GALNT6: variants seen among roughly 807,000 people sequenced by gnomAD.
GALNT6 encodes GalNAc transferase 6.
Under a neutral mutation model 65.9 loss-of-function variants are expected in GALNT6, and 51 were observed. The observed-to-expected ratio is 0.77, with a 90% CI of 0.62 to 0.98. The LOEUF (loss-of-function observed/expected upper bound fraction) is 0.98. Ranked by LOEUF, GALNT6 falls within the 50% of genes least tolerant of loss-of-function variation. The probability of loss-of-function intolerance (pLI) is 0.00; values close to 1 mark genes in which losing one functional copy is unlikely to be tolerated. For synonymous variants in GALNT6, 323 were observed against 315.1 expected, an observed-to-expected ratio of 1.02 and a Z score of -0.26; for missense variants, 708 against 803.3, an observed-to-expected ratio of 0.88 and a Z score of 1.43.
chr12:51,377,449 C>T, intron 3 of GALNT6, 82 bp from the exon 4 acceptor site: 1 of 1,124,272 alleles, frequency 8.9e-7, no homozygotes, highest in East Asian at 2.5e-5. Flanking sequence ...AGAGACTCCC[C>T]CAGACCATCC....
At chr12:51,358,592 C>T (rs1168204194) in intron 8 of GALNT6, among the ~76,000 whole-genome samples, 1 of 152,198 alleles carries the variant, frequency 6.6e-6, no homozygotes, top group Admixed American at 6.5e-5. Context: ...TGAGCCACCA[C>T]ACCCAGCCAG....
At chr12:51,361,035 C>G (rs1424666632) in intron 6 of GALNT6, among the ~76,000 whole-genome samples, 197 bp from the exon 7 acceptor site, 2 of 152,150 alleles carry the variant, frequency 1.3e-5, no homozygotes, top group East Asian at 3.9e-4. Context: ...AGGACCAGGT[C>G]AAGGAAATAT....
chr12:51,379,234 T>C, intron 3 of GALNT6, 57 bp downstream of exon 3: 2 of 1,499,062 alleles, frequency 1.3e-6, no homozygotes, highest in South Asian at 1.4e-5. Flanking sequence ...CTGGCCATAC[T>C]AGCCATGCCT....
intron 2 of GALNT6, among the ~76,000 whole-genome samples, chr12:51,380,659 C>T (rs185512096): frequency 1.2e-4 from 19 of 152,256 alleles, no homozygotes; most frequent in East Asian, 3.9e-4. Flanking sequence ...GGCGTGGTAG[C>T]GCATGCCTGT....
chr12:51,383,714 T>C (rs1351177132), intron 2 of GALNT6: 1 of 152,172 alleles, frequency 6.6e-6, no homozygotes, highest in Non-Finnish European at 1.5e-5. Context: ...TGAACCGAAA[T>C]GAGACACCTG....
chr12:51,377,223 G>A lies in GALNT6; in HGVS notation c.636C>T (p.Ile212=), dbSNP rs1343666979. ...HTTPAILLKE[I]ILVDDASTEE... is the part of the protein sequence containing the mutation. ...CTGTGCTGGCATCATCCACCAGTAT[G>A]ATCTCCTTGAGCAAGATGGCAGGGG... The change falls in exon 4 of 12, where the codon ATC becomes ATT. Residue 212 remains isoleucine (I), a synonymous_variant. Transcript: ENST00000356317. 2 of 1,613,794 alleles carry A rather than the reference G, an allele frequency of 1.2e-6. No individual in the cohort carries two copies. Among genetic ancestry groups the A allele is most frequent in the East Asian group, 4.5e-5 (2 of 44,876 alleles).
intron 2 of GALNT6, among the ~76,000 whole-genome samples, chr12:51,381,263 T>C (rs1026671901): frequency 5.9e-5 from 9 of 152,174 alleles, no homozygotes; most frequent in Non-Finnish European, 1.2e-4. Context: ...AAAAGTTATC[T>C]GTAATCTACT....
At chr12:51,388,789 C>T (rs1264453704) in intron 2 of GALNT6, among the ~76,000 whole-genome samples, 3 of 152,198 alleles carry the variant, frequency 2.0e-5, no homozygotes, top group African/African-American at 4.8e-5. Context: ...CAATCCCTGT[C>T]GCATCTCTCT....
intron 5 of GALNT6, 126 bp downstream of exon 5, chr12:51,365,304 G>T: frequency 1.2e-6 from 1 of 832,698 alleles, no homozygotes; most frequent in Non-Finnish European, 1.8e-6. Flanking sequence ...ACCTGGAGTG[G>T]GTCCCAAGCC....
At chr12:51,364,096 G>A (rs1197877970) in intron 6 of GALNT6, 25 bp downstream of exon 6, 1 of 1,532,262 alleles carries the variant, frequency 6.5e-7, no homozygotes, top group East Asian at 2.2e-5. Flanking sequence ...GCCAGGTTGG[G>A]GGCTCACCAG....
At chr12:51,384,740 C>T (rs1947777432) in intron 2 of GALNT6, among the ~76,000 whole-genome samples, 2 of 148,748 alleles carry the variant, frequency 1.3e-5, no homozygotes, top group South Asian at 4.3e-4. Flanking sequence ...GACCAGTTAG[C>T]TGGGTGTGGT....
intron 8 of GALNT6, 52 bp downstream of exon 8, chr12:51,359,079 TG>T: frequency 4.2e-6 from 6 of 1,415,774 alleles, no homozygotes; most frequent in Non-Finnish European, 5.0e-6. Flanking sequence ...GAACAGGGTC[TG>T]GGGGCCGTAC....
chr12:51,369,478 T>C (rs951292607), intron 4 of GALNT6, among the ~76,000 whole-genome samples: 3 of 152,026 alleles, frequency 2.0e-5, no homozygotes, highest in South Asian at 4.1e-4. Flanking sequence ...GCCTTCCAAC[T>C]TAGGTTCAAC....
intron 3 of GALNT6, 47 bp downstream of exon 3, chr12:51,379,244 T>G: frequency 6.6e-7 from 1 of 1,510,160 alleles, no homozygotes; most frequent in East Asian, 2.3e-5. Flanking sequence ...TAGCCATGCC[T>G]TTAGCAAAGC....
chr12:51,386,951 G>A (rs975008259), intron 2 of GALNT6, among the ~76,000 whole-genome samples: 4 of 151,962 alleles, frequency 2.6e-5, no homozygotes, highest in African/African-American at 7.3e-5. Flanking sequence ...ATTTTTCCCC[G>A]TAATTACACC....
intron 7 of GALNT6, 41 bp from the exon 8 acceptor site, chr12:51,359,373 G>C (rs1946849847): frequency 7.2e-7 from 1 of 1,388,296 alleles, no homozygotes. Context: ...CAGTGGGCTA[G>C]GTGAGACAGT....
Position 51,357,357 on chromosome 12 carries a change from C to T in GALNT6, c.1594G>A (p.Gly532Ser), listed in dbSNP as rs949833972. The T allele has an allele frequency of 2.1e-5, 34 of 1,608,856 alleles. No individual in the cohort carries two copies. Among genetic ancestry groups the T allele is most frequent in the African/African-American group, 6.7e-5 (5 of 74,814 alleles). ...ATGGGTGGGCTGCATACCTGGTTGC[C>T]GCCAAGGCCGTGGCAGGAGTACATG... is the stretch of plus-strand genomic sequence containing the variant. The part of the protein sequence containing the change: ...LIMYSCHGLG[G>S]NQYFEYTTQR... The change falls in exon 10 of 12, where the codon GGC becomes AGC. Residue 532 changes from glycine to serine, a missense_variant. Transcript: ENST00000356317.
chr12:51,357,621 A>G (rs949855157), intron 9 of GALNT6, among the ~76,000 whole-genome samples, 171 bp from the exon 10 acceptor site: 10 of 152,210 alleles, frequency 6.6e-5, no homozygotes, highest in Non-Finnish European at 1.3e-4. Flanking sequence ...CCTGGAGCTA[A>G]CAGCAAAGTG....
chr12:51,366,717 G>A (rs1169742130), intron 4 of GALNT6, among the ~76,000 whole-genome samples: 3 of 152,218 alleles, frequency 2.0e-5, no homozygotes, highest in Non-Finnish European at 2.9e-5. Flanking sequence ...TGGATTTGAG[G>A]AGCGGGGAAA....
Sources: allele counts gnomAD v4.1 joint callset (sites outside exome capture counted in the v4.1 genomes callset), GRCh38; gene constraint gnomAD v4.1.1; transcripts MANE v1.5; gene names NCBI Gene and HGNC (gene_info 2026-07-23, HGNC 2026-07-21).